CACNA1I: variants seen among roughly 807,000 people sequenced by gnomAD.
The protein encoded by CACNA1I is calcium voltage-gated channel subunit alpha1 I, also known as voltage-dependent T-type calcium channel subunit alpha-1I.
A neutral mutation model predicts 201.6 loss-of-function variants in CACNA1I; 74 were observed. That is an observed-to-expected ratio of 0.37 (90% CI 0.30 to 0.45). The LOEUF is 0.45. Among genes scored for constraint, CACNA1I ranks in the 20% least tolerant of loss-of-function variants. CACNA1I has a pLI of 1.00. For synonymous variants in CACNA1I, 1,431 were observed against 1,345.2 expected (o/e 1.06, Z -1.40); for missense variants, 2,346 against 3,138.1 (o/e 0.75, Z 6.03).
intron 1 of CACNA1I, chr22:39,571,230 C>A: frequency 1.8e-6 from 1 of 564,274 alleles, no homozygotes; most frequent in Non-Finnish European, 3.2e-6. Context: ...TGGGGTCAGT[C>A]CAGTGGCTGG....
chr22:39,679,596 A>AG (rs34831938), intron 32 of CACNA1I, 126 bp from the exon 33 acceptor site: 1 of 1,084,534 alleles, frequency 9.2e-7, no homozygotes, highest in Non-Finnish European at 1.3e-6. Context: ...CCCTGTGATG[A>AG]GGGGGTCGGT....
intron 1 of CACNA1I, among the ~76,000 whole-genome samples, chr22:39,580,416 C>A (rs567406419): frequency 6.6e-6 from 1 of 152,306 alleles, no homozygotes; most frequent in Non-Finnish European, 1.5e-5. Context: ...AGGAGCCTGA[C>A]CCCCAGGGCA....
chr22:39,663,114 C>T (rs975976536), intron 18 of CACNA1I, among the ~76,000 whole-genome samples: 2 of 152,166 alleles, frequency 1.3e-5, no homozygotes, highest in African/African-American at 4.8e-5. Flanking sequence ...CCTTGGCTTC[C>T]AAGATCCCTG....
chr22:39,658,777 T>A (rs1934903650), intron 11 of CACNA1I, among the ~76,000 whole-genome samples, 154 bp from the exon 12 acceptor site: 1 of 152,246 alleles, frequency 6.6e-6, no homozygotes, highest in Non-Finnish European at 1.5e-5. Context: ...CTGATTAGCT[T>A]GTGGCGTGGA....
At chr22:39,576,662 G>A (rs1300912958) in intron 1 of CACNA1I, among the ~76,000 whole-genome samples, 1 of 152,234 alleles carries the variant, frequency 6.6e-6, no homozygotes, top group African/African-American at 2.4e-5. Flanking sequence ...AGGGGAGGGC[G>A]CCAGCCTGCG....
chr22:39,579,505 G>A (rs1932479125), intron 1 of CACNA1I, among the ~76,000 whole-genome samples: 2 of 152,244 alleles, frequency 1.3e-5, no homozygotes, highest in South Asian at 4.1e-4. Flanking sequence ...TTGGCTCATG[G>A]TTCTGCAGGC....
chr22:39,639,588 A>G (rs1307849548), intron 5 of CACNA1I, among the ~76,000 whole-genome samples: 1 of 152,232 alleles, frequency 6.6e-6, no homozygotes, highest in Non-Finnish European at 1.5e-5. Flanking sequence ...TATAACAATT[A>G]AAAATGAGAT....
chr22:39,664,271 T>G, intron 20 of CACNA1I, 112 bp downstream of exon 20: 2 of 868,044 alleles, frequency 2.3e-6, no homozygotes, highest in Non-Finnish European at 3.7e-6. Flanking sequence ...ATTTCACTCG[T>G]AGCCCCATGG....
intron 23 of CACNA1I, 96 bp from the exon 24 acceptor site, chr22:39,668,196 C>A (rs534013864): frequency 1.3e-4 from 94 of 737,052 alleles, no homozygotes; most frequent in Non-Finnish European, 1.9e-4. Flanking sequence ...CCCTCTGCCT[C>A]CCAAGGGCAG....
rs746489694 is a variant in CACNA1I at position 39,665,936 on chromosome 22, A to G, written c.4034A>G (p.Asn1345Ser). The G allele has an allele frequency of 6.2e-7, 1 of 1,613,712 alleles. No homozygotes were observed. The highest frequency in any genetic ancestry group is 1.1e-5 in the South Asian group (1 of 91,068). Residue 1345 changes from asparagine to serine, a missense_variant, in exon 23 of 37, where the codon AAC becomes AGC. Physicochemically the swap from Asn to Ser is conservative, Grantham distance 46 (BLOSUM62 1). Coordinates refer to ENST00000402142, the MANE Select transcript of CACNA1I (RefSeq NM_021096.4). The surrounding 1 kb of genome is among the most constrained non-coding windows in gnomAD (Gnocchi z 5.5). ...GGCGTGGACACCCGCAACATCACCA[A>G]CCGCTCGGACTGCATGGCCGCCAAC... ...CLGVDTRNIT[N>S]RSDCMAANYR...
At chr22:39,675,400 C>T (rs753095243) in intron 29 of CACNA1I, among the ~76,000 whole-genome samples, 5 of 152,176 alleles carry the variant, frequency 3.3e-5, no homozygotes, top group Admixed American at 6.5e-5. Flanking sequence ...GCTCTGACCC[C>T]TGGGCGGTTC....
chr22:39,665,906 G>T lies in CACNA1I; in HGVS notation c.4004G>T (p.Cys1335Phe). 2 of 1,613,836 alleles carry T rather than the reference G, an allele frequency of 1.2e-6. No individual in the cohort carries two copies. Among genetic ancestry groups the T allele is most frequent in the Non-Finnish European group, 1.7e-6 (2 of 1,179,876 alleles). ...CTCTTCAAGGGCAAGTTCTACCACT[G>T]TCTGGGCGTGGACACCCGCAACATC... ...VQLFKGKFYH[C>F]LGVDTRNITN... Residue 1335 changes from cysteine (C) to phenylalanine (F), a missense_variant, in exon 23 of 37, where the codon TGT becomes TTT. Cys to Phe is a radical substitution (Grantham distance 205, BLOSUM62 -2). Coordinates refer to ENST00000402142, the MANE Select transcript of CACNA1I (RefSeq NM_021096.4). The surrounding 1 kb of genome is among the most constrained non-coding windows in gnomAD (Gnocchi z 5.5).
intron 10 of CACNA1I, among the ~76,000 whole-genome samples, chr22:39,654,590 A>G (rs1934757884): frequency 6.6e-6 from 1 of 152,162 alleles, no homozygotes; most frequent in Non-Finnish European, 1.5e-5. Flanking sequence ...CTGCCAATCC[A>G]GGTCTGGGGT....
chr22:39,628,761 G>A (rs1042598021), intron 4 of CACNA1I, among the ~76,000 whole-genome samples: 103 of 152,274 alleles, frequency 6.8e-4, no homozygotes, highest in African/African-American at 2.4e-3. Flanking sequence ...CAGCCGCCCA[G>A]CCCCTTTACT....
intron 10 of CACNA1I, among the ~76,000 whole-genome samples, chr22:39,657,932 G>T (rs144054455): frequency 6.6e-6 from 1 of 152,210 alleles, no homozygotes; most frequent in Admixed American, 6.5e-5. Flanking sequence ...AGCGCTGTGG[G>T]GTCCCCCAAC....
rs1194083240 is a variant in CACNA1I at position 39,662,209 on chromosome 22, G to A, written c.3146G>A (p.Arg1049His). 5.2e-6 allele frequency: 8 copies of A among 1,527,846 alleles called. No individual in the cohort carries two copies. The highest frequency in any genetic ancestry group is 6.1e-6 in the Non-Finnish European group (7 of 1,141,186). 94.6% of individuals were successfully genotyped at this position (1,527,846 alleles called of 1,614,324 possible). ...CATCACGGGCCCCATCTGGCGCACC[G>A]CCACCGCCACCACCGCCGGACGCTG... The part of the protein sequence containing the change: ...HIHHGPHLAH[R>H]HRHHRRTLSL... Residue 1049 changes from arginine to histidine, a missense_variant, in exon 17 of 37, where the codon CGC becomes CAC. By Grantham distance (29) the Arg-to-His change is conservative. Coordinates refer to ENST00000402142, the MANE Select transcript of CACNA1I (RefSeq NM_021096.4).
At position 39,571,329 on chromosome 22, in the gene CACNA1I, C is replaced by T. The variant is rs151238238; in HGVS notation, c.236+341C>T. Among the ~76,000 whole-genome samples the T allele has an allele frequency of 9.2e-5, 14 of 152,218 alleles. No individual in the cohort carries two copies. In the East Asian group the frequency reaches 2.3e-3, roughly 25 times the overall value. On this transcript the variant is annotated intron_variant, in intron 1 of 36. Transcript: ENST00000402142. ...CAGACTCTGGAGCCACCTGATGGGC[C>T]GTGACCATACAGAGGATGGGAGCCG...
intron 1 of CACNA1I, among the ~76,000 whole-genome samples, chr22:39,571,921 A>G (rs1932197821): frequency 6.6e-6 from 1 of 151,744 alleles, no homozygotes; most frequent in South Asian, 2.1e-4. Flanking sequence ...TGCTGGGTGT[A>G]CATGGGCAAT....
chr22:39,575,430 C>T (rs968299176), intron 1 of CACNA1I, among the ~76,000 whole-genome samples: 2 of 152,184 alleles, frequency 1.3e-5, no homozygotes, highest in Non-Finnish European at 2.9e-5. Flanking sequence ...GGTTATCACT[C>T]TGATTACCTG....
Sources: gnomAD v4.1 joint callset for allele counts (sites outside exome capture counted in the v4.1 genomes callset) on GRCh38, gnomAD v4.1.1 for gene constraint, Gnocchi (gnomAD v3.1) non-coding constraint, MANE v1.5 for transcripts, NCBI Gene and HGNC (gene_info 2026-07-23, HGNC 2026-07-21) for gene names.